Variants in NFIB observed in about 807,000 individuals in gnomAD.
The protein encoded by NFIB is nuclear factor I B.
A neutral mutation model predicts 61.5 loss-of-function variants in NFIB; 11 were observed. The observed-to-expected ratio is 0.18, with a 90% CI of 0.11 to 0.30. The LOEUF (loss-of-function observed/expected upper bound fraction) is 0.30, where lower values mean the gene tolerates loss of function less well. Ranked by LOEUF, NFIB falls within the 10% of genes least tolerant of loss-of-function variation. NFIB has a pLI of 1.00. For synonymous variants in NFIB, 260 were observed against 216.5 expected (o/e 1.20, Z -1.76); for missense variants, 471 against 608.9 (o/e 0.77, Z 2.38).
chr9:14,395,307 C>CA (rs756342314), intron 1 of NFIB, among the ~76,000 whole-genome samples: 1,167 of 85,732 alleles, frequency 0.014, 8 homozygotes, highest in East Asian at 0.025. Flanking sequence ...TCGGGACAGC[C>CA]AAAAAAAAAA....
At chr9:14,237,104 C>T (rs887815766) in intron 2 of NFIB, among the ~76,000 whole-genome samples, 1 of 152,162 alleles carries the variant, frequency 6.6e-6, no homozygotes, top group African/African-American at 2.4e-5. Context: ...ACAAACTAAA[C>T]TGCAAAATTA....
the NFIB span, among the ~76,000 whole-genome samples, chr9:14,476,339 T>C: frequency 6.6e-6 from 1 of 152,124 alleles, no homozygotes; most frequent in South Asian, 2.1e-4. Context: ...ATTTTTAATT[T>C]ATTTGTGCCT....
Position 14,123,826 on chromosome 9 carries a change from T to G in NFIB, c.1060+1806A>C, listed in dbSNP as rs147289989. Among the ~76,000 whole-genome samples, 782 of 151,494 alleles carry G rather than the reference T, an allele frequency of 5.2e-3. 7 individuals are homozygous for G. The highest frequency in any genetic ancestry group is 0.017 in the African/African-American group (680 of 40,928). ...TCCATGTTGCCCCTCTTCCTCCTAG[T>G]TTGCCCCTCTGCCTCCCACATTGCC... is the stretch of plus-strand genomic sequence containing the variant. On this transcript the variant is annotated intron_variant, in intron 7 of 10. Transcript: ENST00000380953.
At chr9:14,142,845 A>G (rs2041901238) in intron 6 of NFIB, among the ~76,000 whole-genome samples, 1 of 152,176 alleles carries the variant, frequency 6.6e-6, no homozygotes, top group South Asian at 2.1e-4. Flanking sequence ...TAAGACCAGG[A>G]TTTACAGAAG....
chr9:14,331,971 G>A (rs1303214013), intron 1 of NFIB, among the ~76,000 whole-genome samples: 1 of 152,180 alleles, frequency 6.6e-6, no homozygotes, highest in African/African-American at 2.4e-5. Flanking sequence ...CTGCGACAAT[G>A]ACCAGACTCC....
At chr9:14,448,339 T>A in the NFIB span, among the ~76,000 whole-genome samples, 1 of 152,200 alleles carries the variant, frequency 6.6e-6, no homozygotes. Context: ...GTATCTATAG[T>A]GGTAGGCATA....
chr9:14,247,325 C>T (rs1168940166), intron 2 of NFIB, among the ~76,000 whole-genome samples: 1 of 152,216 alleles, frequency 6.6e-6, no homozygotes, highest in Admixed American at 6.5e-5. Flanking sequence ...AACACTGTCA[C>T]CATTTTACAG....
Position 14,146,630 on chromosome 9 carries a change from C to A in NFIB, c.925+59G>T. ...ATTATGAAATTTTGACTCAACGAAA[C>A]TTAAGAAACGAGCCAACATTTTACT... On this transcript the variant is annotated intron_variant, in intron 6 of 10. Coordinates refer to ENST00000380953, the MANE Select transcript of NFIB (RefSeq NM_001190737.2). 3.7e-6 allele frequency: 6 copies of A among 1,610,736 alleles called. No homozygotes were observed. In the South Asian group the frequency reaches 6.6e-5, roughly 18 times the overall value.
chr9:14,388,045 T>G (rs890486350), intron 1 of NFIB, among the ~76,000 whole-genome samples: 1 of 152,112 alleles, frequency 6.6e-6, no homozygotes, highest in African/African-American at 2.4e-5. Flanking sequence ...TGTACAAAAA[T>G]GTGTACCACA....
chr9:14,258,471 T>C (rs1351167738), intron 2 of NFIB, among the ~76,000 whole-genome samples: 1 of 152,244 alleles, frequency 6.6e-6, no homozygotes, highest in Non-Finnish European at 1.5e-5. Flanking sequence ...GACAGTGGAA[T>C]AGAACTATCT....
chr9:14,135,900 T>C (rs995371793), intron 6 of NFIB, among the ~76,000 whole-genome samples: 4 of 152,222 alleles, frequency 2.6e-5, no homozygotes, highest in African/African-American at 7.2e-5. Context: ...CACTTGAGCA[T>C]ATTATTGTAT....
upstream of NFIB, among the ~76,000 whole-genome samples, chr9:14,402,189 G>A (rs1245662675): frequency 1.3e-5 from 2 of 152,184 alleles, no homozygotes; most frequent in Non-Finnish European, 2.9e-5. Flanking sequence ...ATCCGGCTTA[G>A]ATGAAGCTGG....
chr9:14,294,028 T>C (rs1173665472), intron 2 of NFIB, among the ~76,000 whole-genome samples: 3 of 152,174 alleles, frequency 2.0e-5, no homozygotes, highest in Admixed American at 6.5e-5. Context: ...ACCCAAAATA[T>C]GTTTCTCCAT....
chr9:14,263,124 T>C (rs1588005853), intron 2 of NFIB, among the ~76,000 whole-genome samples: 1 of 152,166 alleles, frequency 6.6e-6, no homozygotes, highest in African/African-American at 2.4e-5. Context: ...AAAGGGCTGA[T>C]AGGGTGGGTT....
the NFIB span, among the ~76,000 whole-genome samples, chr9:14,470,369 T>A: frequency 1.3e-5 from 2 of 152,204 alleles, no homozygotes; most frequent in East Asian, 1.9e-4. Context: ...GTTTGCCATA[T>A]TTGTGAGCTT....
At chr9:14,201,369 A>G (rs1169832795) in intron 2 of NFIB, among the ~76,000 whole-genome samples, 1 of 152,026 alleles carries the variant, frequency 6.6e-6, no homozygotes. Flanking sequence ...CCTCACACCC[A>G]CACCCAACTT....
At chr9:14,131,123 A>G (rs1487562903) in intron 6 of NFIB, among the ~76,000 whole-genome samples, 1 of 152,210 alleles carries the variant, frequency 6.6e-6, no homozygotes, top group African/African-American at 2.4e-5. Flanking sequence ...TTTTAAAAAG[A>G]TTCACATTGA....
upstream of NFIB, among the ~76,000 whole-genome samples, chr9:14,315,041 GCGGGCTCAGTCCGCGGAGCCTGCGGCTGC>G (rs1259198851): frequency 6.6e-6 from 1 of 151,952 alleles, no homozygotes; most frequent in Non-Finnish European, 1.5e-5. Context: ...CGCACCCGGG[GCGGGCTCAGTCCGCGGAGCCTGCGGCTGC>G]CGGGAAAAGG....
At chr9:14,387,774 C>G (rs938920252) in intron 1 of NFIB, among the ~76,000 whole-genome samples, 3 of 152,290 alleles carry the variant, frequency 2.0e-5, no homozygotes, top group Admixed American at 6.5e-5. Context: ...TGTGCTTACT[C>G]TACGACACAG....
Sources: allele counts gnomAD v4.1 joint callset (sites outside exome capture counted in the v4.1 genomes callset), GRCh38; gene constraint gnomAD v4.1.1; transcripts MANE v1.5; gene names NCBI Gene and HGNC (gene_info 2026-07-23, HGNC 2026-07-21).